Variants in SPACA7 observed in about 807,000 individuals in gnomAD.
SPACA7 encodes sperm acrosome associated 7, also known as sperm acrosome-associated protein 7.
A neutral mutation model predicts 26.3 loss-of-function variants in SPACA7; 19 were observed. The ratio of observed to expected loss-of-function variants is 0.72; its 90% CI spans 0.50 to 1.06. The LOEUF (loss-of-function observed/expected upper bound fraction) is 1.06, where lower values mean the gene tolerates loss of function less well. Among genes scored for constraint, SPACA7 ranks in the 50% least tolerant of loss-of-function variants. The pLI, the probability that SPACA7 is intolerant of heterozygous loss-of-function variation, is 0.00. For synonymous variants in SPACA7, 84 were observed against 84.5 expected (o/e 0.99, Z 0.04); for missense variants, 211 against 229.9 (o/e 0.92, Z 0.53).
intron 2 of SPACA7, 102 bp downstream of exon 2, chr13:112,393,179 G>T (rs528311934): frequency 4.6e-6 from 4 of 869,488 alleles, no homozygotes; most frequent in Non-Finnish European, 7.4e-6. Context: ...TGCAGACAGT[G>T]GAGGGAACTG....
intron 5 of SPACA7, among the ~76,000 whole-genome samples, chr13:112,414,822 T>C (rs1886585891): frequency 6.6e-6 from 1 of 152,240 alleles, no homozygotes; most frequent in South Asian, 2.1e-4. Flanking sequence ...GTGCCTTATT[T>C]CATCTATTTG....
rs756048292 is a variant in SPACA7 at position 112,392,991 on chromosome 13, T to C, written c.95-30T>C. ...AAATATGCAAATTCAATGAACATTG[T>C]TAAACTGTAGGGTTTTTATTTCCTT... On this transcript the variant is annotated intron_variant, in intron 1 of 6. Transcript: ENST00000283550. 3.1e-6 allele frequency: 5 copies of C among 1,593,600 alleles called. No homozygotes were observed. In the Admixed American group the frequency reaches 8.4e-5, roughly 27 times the overall value.
chr13:112,398,685 C>T (rs558278456), intron 3 of SPACA7, among the ~76,000 whole-genome samples: 1 of 152,296 alleles, frequency 6.6e-6, no homozygotes, highest in East Asian at 1.9e-4. Flanking sequence ...TAGAACAGCA[C>T]ATTTAGAACC....
chr13:112,379,453 A>G (rs912490895), intron 1 of SPACA7, among the ~76,000 whole-genome samples: 11 of 152,246 alleles, frequency 7.2e-5, no homozygotes, highest in African/African-American at 2.7e-4. Flanking sequence ...ATTATGCTGC[A>G]ATTGACAAGG....
At chr13:112,411,858 C>T (rs185109828) in intron 5 of SPACA7, among the ~76,000 whole-genome samples, 12 of 152,242 alleles carry the variant, frequency 7.9e-5, no homozygotes, top group East Asian at 3.9e-4. Context: ...TGGACACTTA[C>T]GTTGATACCA....
intron 5 of SPACA7, among the ~76,000 whole-genome samples, chr13:112,421,502 A>C (rs1875979516): frequency 6.6e-6 from 1 of 152,238 alleles, no homozygotes; most frequent in Non-Finnish European, 1.5e-5. Context: ...AGACAAGGCA[A>C]ATAGAAAACA....
At chr13:112,390,206 T>C (rs1884791742) in intron 1 of SPACA7, among the ~76,000 whole-genome samples, 2 of 151,974 alleles carry the variant, frequency 1.3e-5, no homozygotes, top group Admixed American at 6.6e-5. Context: ...GATTAGATGG[T>C]GAGAAGAGAA....
At chr13:112,387,884 C>T (rs759082419) in intron 1 of SPACA7, among the ~76,000 whole-genome samples, 1 of 152,210 alleles carries the variant, frequency 6.6e-6, no homozygotes, top group Non-Finnish European at 1.5e-5. Context: ...TCACCTCGTT[C>T]AGCACCCAAT....
At chr13:112,395,693 G>C (rs7984807) in intron 2 of SPACA7, among the ~76,000 whole-genome samples, 20,126 of 152,024 alleles carry the variant, frequency 0.13, 3,351 homozygotes, top group African/African-American at 0.38. Flanking sequence ...TGGTCTCAAA[G>C]TCCTAACCTC....
At chr13:112,396,266 G>A (rs12429642) in intron 2 of SPACA7, among the ~76,000 whole-genome samples, 40,351 of 151,136 alleles carry the variant, frequency 0.27, 5,500 homozygotes, top group African/African-American at 0.38. Flanking sequence ...CACCATGGAC[G>A]GGGGTGATCC....
At chr13:112,382,278 A>T in intron 1 of SPACA7, 1 of 617,836 alleles carries the variant, frequency 1.6e-6, no homozygotes, top group Non-Finnish European at 2.6e-6. Context: ...TTTTTGACAG[A>T]GTCTCACTCT....
At chr13:112,394,811 A>C (rs1198516424) in intron 2 of SPACA7, among the ~76,000 whole-genome samples, 1 of 152,188 alleles carries the variant, frequency 6.6e-6, no homozygotes, top group Admixed American at 6.5e-5. Flanking sequence ...CCACCCCCAG[A>C]GAAACAGTGG....
intron 5 of SPACA7, 117 bp from the exon 6 acceptor site, chr13:112,432,327 C>G: frequency 1.4e-6 from 1 of 731,300 alleles, no homozygotes; most frequent in Non-Finnish European, 2.4e-6. Flanking sequence ...CCCGCTTGCT[C>G]TGTGCGTGGG....
chr13:112,410,677 T>G (rs1259972325), intron 5 of SPACA7, among the ~76,000 whole-genome samples: 2 of 151,974 alleles, frequency 1.3e-5, no homozygotes, highest in Admixed American at 1.3e-4. Context: ...TGTAGAGAAA[T>G]TGGAATTCTT....
intron 1 of SPACA7, among the ~76,000 whole-genome samples, chr13:112,377,368 C>T (rs1427067541): frequency 6.6e-6 from 1 of 152,142 alleles, no homozygotes; most frequent in Non-Finnish European, 1.5e-5. Flanking sequence ...ATCTAGACAT[C>T]CATGAGAGAG....
intron 1 of SPACA7, among the ~76,000 whole-genome samples, chr13:112,383,135 AAGAAAGAAAGAAAGAAAG>A (rs1884263190): frequency 1.1e-4 from 2 of 17,556 alleles, no homozygotes; most frequent in Admixed American, 1.3e-3. Flanking sequence ...GAAAGAAAGA[AAGAAAGAAAGAAAGAAAG>A]AAAGAAAGAA....
intron 1 of SPACA7, among the ~76,000 whole-genome samples, chr13:112,383,120 G>GAAAGA (rs1884243976): frequency 9.0e-5 from 1 of 11,104 alleles, no homozygotes; most frequent in African/African-American, 1.6e-4. Context: ...GAAAAGAAAA[G>GAAAGA]AAAAGAAAGA....
At chr13:112,402,730 C>G (rs1885726803) in intron 5 of SPACA7, among the ~76,000 whole-genome samples, 1 of 152,060 alleles carries the variant, frequency 6.6e-6, no homozygotes, top group Non-Finnish European at 1.5e-5. Context: ...TTGTCAAAGT[C>G]TTTTTTATCA....
chr13:112,388,651 T>C (rs7338295), intron 1 of SPACA7, among the ~76,000 whole-genome samples: 2,353 of 152,282 alleles, frequency 0.015, 58 homozygotes, highest in African/African-American at 0.053. Context: ...AGGGGTTCAC[T>C]TTGCCCCCTG....
Sources: gnomAD v4.1 joint callset for allele counts (sites outside exome capture counted in the v4.1 genomes callset) on GRCh38, gnomAD v4.1.1 for gene constraint, MANE v1.5 for transcripts, NCBI Gene and HGNC (gene_info 2026-07-23, HGNC 2026-07-21) for gene names.